Variants in LRP1B observed in about 807,000 individuals in gnomAD.
LRP1B encodes the protein LDL receptor related protein 1B.
A neutral mutation model predicts 556.6 loss-of-function variants in LRP1B; 217 were observed. The ratio of observed to expected loss-of-function variants is 0.39; its 90% CI spans 0.35 to 0.44. LRP1B has a LOEUF of 0.44. LRP1B is among the 20% of genes least tolerant of loss of function. The pLI is 1.00. For missense variants in LRP1B, 5,053 were observed against 5,620.8 expected (o/e 0.90, Z 3.23); for synonymous variants, 2,047 against 1,865.8 (o/e 1.10, Z -2.50).
chr2:141,774,878 G>A lies in LRP1B; in HGVS notation c.205+35401C>T, dbSNP rs559623065. 9.9e-5 allele frequency among the ~76,000 whole-genome samples: 15 copies of A among 152,250 alleles called. No homozygotes were observed. The South Asian group carries it at 3.1e-3, about 32-fold the overall frequency. On this transcript the variant is annotated intron_variant, in intron 2 of 90. Transcript: ENST00000389484. ...TGACTTAGTTTTAGCTGCAGCCATG[G>A]CGACTCAAGTACATTGATTCTCTTC...
chr2:140,884,045 T>C (rs1693558112), intron 24 of LRP1B, 24 bp from the exon 25 acceptor site: 1 of 1,603,036 alleles, frequency 6.2e-7, no homozygotes, highest in Non-Finnish European at 8.5e-7. Context: ...AAAACCAACA[T>C]GTGCACCCAT....
intron 9 of LRP1B, 36 bp from the exon 10 acceptor site, chr2:141,055,295 A>C: frequency 1.3e-6 from 2 of 1,592,192 alleles, no homozygotes; most frequent in Non-Finnish European, 1.7e-6. Context: ...GTGAAATTCA[A>C]GTTCAAAGAT....
intron 66 of LRP1B, among the ~76,000 whole-genome samples, chr2:140,392,373 G>A (rs563660773): frequency 6.6e-6 from 1 of 151,184 alleles, no homozygotes; most frequent in Admixed American, 6.6e-5. Context: ...TCATCCCTCT[G>A]TTCACCTGAG....
At chr2:141,634,980 T>C (rs426084) in intron 2 of LRP1B, among the ~76,000 whole-genome samples, 1 of 151,724 alleles carries the variant, frequency 6.6e-6, no homozygotes, top group East Asian at 1.9e-4. Context: ...TCCCTAAGGA[T>C]TTAAAGAGGA....
intron 60 of LRP1B, among the ~76,000 whole-genome samples, chr2:140,473,880 T>C (rs1302491301): frequency 6.6e-6 from 1 of 151,962 alleles, no homozygotes; most frequent in East Asian, 1.9e-4. Flanking sequence ...CATTTCATTA[T>C]TGATTCTTTG....
At chr2:140,279,370 A>G (rs1189124373) in intron 84 of LRP1B, among the ~76,000 whole-genome samples, 1 of 151,984 alleles carries the variant, frequency 6.6e-6, no homozygotes, top group East Asian at 1.9e-4. Flanking sequence ...AAACTGGGTG[A>G]TTCAAACAAA....
At chr2:142,091,994 C>G (rs962668678) in intron 1 of LRP1B, among the ~76,000 whole-genome samples, 1 of 152,190 alleles carries the variant, frequency 6.6e-6, no homozygotes, top group Admixed American at 6.5e-5. Context: ...CCTATGACAA[C>G]CATCTTGCTG....
chr2:141,005,197 T>C (rs931934298), intron 15 of LRP1B, 138 bp downstream of exon 15: 3 of 943,544 alleles, frequency 3.2e-6, no homozygotes, highest in South Asian at 2.1e-5. Flanking sequence ...TAATAATTTA[T>C]AGTCTAAAAA....
chr2:140,973,646 T>C (rs1365225969), intron 18 of LRP1B, among the ~76,000 whole-genome samples: 3 of 152,112 alleles, frequency 2.0e-5, no homozygotes, highest in African/African-American at 7.2e-5. Flanking sequence ...AAGATTACTT[T>C]AAGAGAAACC....
chr2:141,497,459 C>T (rs1432886094), intron 2 of LRP1B, among the ~76,000 whole-genome samples: 2 of 151,990 alleles, frequency 1.3e-5, no homozygotes, highest in African/African-American at 4.8e-5. Flanking sequence ...AACTTGGCGT[C>T]CTAGTTTACA....
At chr2:141,920,589 A>C (rs1198343444) in intron 1 of LRP1B, among the ~76,000 whole-genome samples, 1 of 152,050 alleles carries the variant, frequency 6.6e-6, no homozygotes, top group African/African-American at 2.4e-5. Flanking sequence ...GAAGACTGAG[A>C]TGAATGAACA....
chr2:140,246,758 G>A lies in LRP1B; in HGVS notation c.13324+328C>T, dbSNP rs1474856935. ...AAAACATGGAATTATTTTTCTTCCT[G>A]GAGCATTTTCACATCCATTGTGATA... On this transcript the variant is annotated intron_variant, in intron 87 of 90. Coordinates refer to ENST00000389484, the MANE Select transcript of LRP1B (RefSeq NM_018557.3). 8.6e-5 allele frequency among the ~76,000 whole-genome samples: 13 copies of A among 151,260 alleles called. No individual in the cohort carries two copies. The Admixed American group carries it at 8.6e-4, about 10-fold the overall frequency.
chr2:140,469,357 A>C (rs2105339785), intron 60 of LRP1B, among the ~76,000 whole-genome samples: 1 of 152,318 alleles, frequency 6.6e-6, no homozygotes, highest in African/African-American at 2.4e-5. Flanking sequence ...TGAGCCCTTT[A>C]CTAGACACTG....
chr2:141,995,708 TGA>T (rs1702471080), intron 1 of LRP1B, among the ~76,000 whole-genome samples: 1 of 152,156 alleles, frequency 6.6e-6, no homozygotes, highest in African/African-American at 2.4e-5. Context: ...CTTCATCTTG[TGA>T]GAGAGGAAAT....
In LRP1B at chr2:140,487,449, G is replaced by C. The variant is rs140518391; in HGVS notation, c.9243+168C>G. ...GTTATAATGAAACATAAGAATAAAA[G>C]GTCTCATTTTTCATATTTAAAGTTT... On this transcript the variant is annotated intron_variant, in intron 58 of 90. Coordinates refer to ENST00000389484, the MANE Select transcript of LRP1B (RefSeq NM_018557.3). 3.7e-3 allele frequency among the ~76,000 whole-genome samples: 560 copies of C among 151,808 alleles called. 1 individual carries two copies. Among genetic ancestry groups the C allele is most frequent in the African/African-American group, 0.013 (534 of 41,462 alleles).
At chr2:140,532,866 T>C (rs1252636884) in intron 47 of LRP1B, among the ~76,000 whole-genome samples, 1 of 142,262 alleles carries the variant, frequency 7.0e-6, no homozygotes, top group Non-Finnish European at 1.5e-5. Flanking sequence ...CCTTTGAGGA[T>C]ACTTGCAAGC....
rs530741905 is a variant in LRP1B, at chr2:141,241,588, T to G, written c.592+5638A>C. Among the ~76,000 whole-genome samples the G allele has an allele frequency of 5.3e-5, 8 of 152,202 alleles. No homozygotes were observed. The East Asian group carries it at 1.5e-3, about 29-fold the overall frequency. ...ATTCACCTTTGAATCTCTTGCAGTC[T>G]TCTGACTCCTTTTATTGATCCCCAA... On this transcript the variant is annotated intron_variant, in intron 5 of 90. Coordinates refer to ENST00000389484, the MANE Select transcript of LRP1B (RefSeq NM_018557.3).
At chr2:141,404,993 G>A (rs1690583235) in intron 3 of LRP1B, among the ~76,000 whole-genome samples, 1 of 152,020 alleles carries the variant, frequency 6.6e-6, no homozygotes, top group African/African-American at 2.4e-5. Flanking sequence ...TCGGGAGGCT[G>A]AGGCAGGAGA....
chr2:140,683,847 A>C (rs1165266477), intron 41 of LRP1B: 4 of 626,678 alleles, frequency 6.4e-6, no homozygotes, highest in Admixed American at 2.4e-5. Flanking sequence ...GCCGACCCCG[A>C]AACAGCTCCG....
Sources: gnomAD v4.1 joint callset for allele counts (sites outside exome capture counted in the v4.1 genomes callset) on GRCh38, gnomAD v4.1.1 for gene constraint, MANE v1.5 for transcripts, NCBI Gene and HGNC (gene_info 2026-07-23, HGNC 2026-07-21) for gene names.